JAG2: variants seen among roughly 807,000 people sequenced by gnomAD.
The protein encoded by JAG2 is protein jagged-2.
A neutral mutation model predicts 141.7 loss-of-function variants in JAG2; 46 were observed. The observed-to-expected ratio is 0.32, with a 90% CI of 0.26 to 0.42. JAG2 has a LOEUF of 0.42. Among genes scored for constraint, JAG2 ranks in the 10% least tolerant of loss-of-function variants. The pLI, the probability that JAG2 is intolerant of heterozygous loss-of-function variation, is 1.00. For missense variants in JAG2, 1,500 were observed against 1,817.5 expected (o/e 0.83, Z 3.18); for synonymous variants, 862 against 763.5 (o/e 1.13, Z -2.13).
intron 8 of JAG2, 49 bp downstream of exon 8, chr14:105,151,577 C>G: frequency 6.8e-7 from 1 of 1,478,656 alleles, no homozygotes; most frequent in Non-Finnish European, 9.3e-7. Flanking sequence ...CACTCCCAGA[C>G]CCCCACTGAT....
chr14:105,150,982 C>A lies in JAG2; in HGVS notation c.1381+9G>T, dbSNP rs1441862513. ...GGCCCACCCGCCGGCGCCCACCCCCCATACTGACTGATATGGCAGTTGATG... is the reference window on the plus strand; with the variant it reads ...GGCCCACCCGCCGGCGCCCACCCCCAATACTGACTGATATGGCAGTTGATG... On this transcript the variant is annotated intron_variant, in intron 10 of 25. Transcript: ENST00000331782. The A allele has an allele frequency of 6.2e-7, 1 of 1,611,204 alleles. No individual in the cohort carries two copies. Among genetic ancestry groups the A allele is most frequent in the Non-Finnish European group, 8.5e-7 (1 of 1,179,132 alleles).
At chr14:105,146,285 C>T in intron 22 of JAG2, 100 bp downstream of exon 22, 1 of 1,072,954 alleles carries the variant, frequency 9.3e-7, no homozygotes, top group Non-Finnish European at 1.4e-6. Context: ...GGCTCTCAGT[C>T]CATCCGGACC....
chr14:105,162,848 C>A (rs1258603899), intron 2 of JAG2, among the ~76,000 whole-genome samples: 1 of 151,906 alleles, frequency 6.6e-6, no homozygotes, highest in Non-Finnish European at 1.5e-5. Flanking sequence ...CTGCATGGCC[C>A]AGCACACCTC....
chr14:105,149,641 C>T (rs1413479996), intron 12 of JAG2, among the ~76,000 whole-genome samples: 1 of 151,268 alleles, frequency 6.6e-6, no homozygotes, highest in East Asian at 2.0e-4. Context: ...CCTGGCCACC[C>T]TCAGAGCCAA....
At position 105,149,295 on chromosome 14, in the gene JAG2, C is replaced by T. The variant is rs758834030; in HGVS notation, c.1628G>A (p.Ser543Asn). Residue 543 changes from serine to asparagine, a missense_variant, in exon 13 of 26, where the codon AGC becomes AAC. Around this residue, in one of 3 missense-constraint regions of JAG2, gnomAD observed 875 missense variants for 1,202.2 expected, o/e 0.73. Transcript: ENST00000331782. ...GCAGCGAGCGCCGTTCCGGCAGGGGCTTGGCTCACAAAGGTCGACATCCAC... is the reference window on the plus strand; with the variant it reads ...GCAGCGAGCGCCGTTCCGGCAGGGGTTTGGCTCACAAAGGTCGACATCCAC... Reference protein sequence around the residue: ...CEVDVDLCEPSPCRNGARCYN... With the variant: ...CEVDVDLCEPNPCRNGARCYN... The T allele has an allele frequency of 4.3e-6, 7 of 1,612,684 alleles. No individual in the cohort carries two copies. Among genetic ancestry groups the T allele is most frequent in the Non-Finnish European group, 5.9e-6 (7 of 1,179,980 alleles).
chr14:105,149,148 C>A, intron 13 of JAG2, 22 bp downstream of exon 13: 1 of 1,608,140 alleles, frequency 6.2e-7, no homozygotes, highest in Non-Finnish European at 8.5e-7. Context: ...CCTCCCCCAC[C>A]ACCCCATGCC....
chr14:105,145,020 C>T lies in JAG2; in HGVS notation c.2994G>A (p.Leu998=), dbSNP rs768851700. 1.9e-6 allele frequency: 3 copies of T among 1,609,636 alleles called. No homozygotes were observed. Among genetic ancestry groups the T allele is most frequent in the African/African-American group, 2.7e-5 (2 of 74,928 alleles). ...CCCGTGCCACAGCCCTTGTGGCTGG[C>T]AGGGAGCGGATCCCGGAGCAAATGG... ...VGAICSGIRS[L]PATRAVARDR... is the part of the protein sequence containing the mutation. The change falls in exon 24 of 26, where the codon CTG becomes CTA. Residue 998 remains leucine (L), a synonymous_variant. Transcript: ENST00000331782.
intron 23 of JAG2, 93 bp downstream of exon 23, chr14:105,145,638 G>T: frequency 6.7e-7 from 1 of 1,487,802 alleles, no homozygotes; most frequent in South Asian, 1.3e-5. Flanking sequence ...GCCAACCAGG[G>T]CCTCCCTGCC....
At chr14:105,146,568 C>A in intron 21 of JAG2, 43 bp downstream of exon 21, 1 of 1,600,078 alleles carries the variant, frequency 6.2e-7, no homozygotes, top group African/African-American at 1.3e-5. Context: ...GTCACCCATG[C>A]CCCCCAACCC....
In JAG2 at chr14:105,155,743, T is replaced by C; in HGVS notation, c.722A>G (p.Lys241Arg). The change falls in exon 4 of 26, where the codon AAG becomes AGG. Residue 241 changes from lysine to arginine, a missense_variant. By Grantham distance (26) the Lys-to-Arg change is conservative. This residue lies in a region of JAG2 where 875 missense variants were observed against 1,202.2 expected (regional missense o/e 0.73). Coordinates refer to ENST00000331782, the MANE Select transcript of JAG2 (RefSeq NM_002226.5). ...CAGCCCAGCGGCCCCCTCACCTTCC[T>C]TGCACTCCTTGCCCATCCAGCCGTC... is the stretch of plus-strand genomic sequence containing the variant. ...CMDGWMGKECKEAVCKQGCNL... is the reference protein window; with the variant it reads ...CMDGWMGKECREAVCKQGCNL... 1 of 1,612,696 alleles carries C rather than the reference T, an allele frequency of 6.2e-7. No individual in the cohort carries two copies. The highest frequency in any genetic ancestry group is 8.5e-7 in the Non-Finnish European group (1 of 1,179,764).
chr14:105,146,885 C>G, intron 20 of JAG2, 161 bp from the exon 21 acceptor site: 1 of 699,168 alleles, frequency 1.4e-6, no homozygotes, highest in South Asian at 1.5e-5. Context: ...TGCCTGAGGC[C>G]TTCCTGAGCC....
rs746515350 is a variant in JAG2, at chr14:105,147,428, G to A, written c.2394-17C>T. 1.2e-6 allele frequency: 2 copies of A among 1,610,732 alleles called. No individual in the cohort carries two copies. The highest frequency in any genetic ancestry group is 1.1e-5 in the South Asian group (1 of 90,808). The stretch of plus-strand genomic sequence containing the variant: ...CCATTGTAGCTGCAGAGCAGAGGGT[G>A]GGCATCAGGTGGCCCCCCGTGGTAT... On this transcript the variant is annotated splice_polypyrimidine_tract_variant and intron_variant, in intron 19 of 25. Transcript: ENST00000331782.
At position 105,142,265 on chromosome 14, in the gene JAG2, C is replaced by A. The variant is rs112320099; in HGVS notation, c.*430G>T. 7 of 173,996 alleles carry A rather than the reference C, an allele frequency of 4.0e-5. No homozygotes were observed. The highest frequency in any genetic ancestry group is 1.4e-4 in the African/African-American group (6 of 41,778). 10.8% of individuals were successfully genotyped at this position (173,996 alleles called of 1,614,324 possible). On this transcript the variant is annotated 3_prime_UTR_variant, in exon 26 of 26. Transcript: ENST00000331782. ...AGGCCACACCATCAGCCACGGGTCC[C>A]ACCAACAGCCATGGGCCACACCAAC... is the stretch of plus-strand genomic sequence containing the variant.
Position 105,155,822 on chromosome 14 carries a change from T to C in JAG2, c.643A>G (p.Asn215Asp). Residue 215 changes from asparagine (N) to aspartate (D), a missense_variant, in exon 4 of 26, where the codon AAC becomes GAC. Physicochemically the swap from Asn to Asp is conservative, Grantham distance 23. Coordinates refer to ENST00000331782, the MANE Select transcript of JAG2 (RefSeq NM_002226.5). ...ATCNKFCRPR[N>D]DFFGHYTCDQ... ...CAGGTGTAGTGGCCGAAAAAGTCGT[T>C]GCGGGGCCGGCAGAACTTGTTGCAA... 1.2e-6 allele frequency: 2 copies of C among 1,612,758 alleles called. No individual in the cohort carries two copies. Among genetic ancestry groups the C allele is most frequent in the Non-Finnish European group, 1.7e-6 (2 of 1,179,882 alleles).
intron 12 of JAG2, 75 bp from the exon 13 acceptor site, chr14:105,149,395 AC>A (rs1299635270): frequency 9.4e-6 from 15 of 1,588,672 alleles, no homozygotes; most frequent in Admixed American, 3.3e-5. Context: ...CTCTGTCCAT[AC>A]GAAGGTAGAT....
rs1323844998 is a variant in JAG2 at position 105,151,099 on chromosome 14, T to C, written c.1273A>G (p.Asn425Asp). Residue 425 changes from asparagine (N) to aspartate (D), a missense_variant, in exon 10 of 26, where the codon AAT becomes GAT. This residue lies in a region of JAG2 where 875 missense variants were observed against 1,202.2 expected (regional missense o/e 0.73). Transcript: ENST00000331782. ...WVGATCQLDANECEGKPCLNA... is the reference protein window; with the variant it reads ...WVGATCQLDADECEGKPCLNA... Reference sequence around the variant, plus strand: ...AGGCATGGCTTCCCTTCACACTCATTGGCGTCTGTGAAAGAGACAAGGTGG... The same window carrying C: ...AGGCATGGCTTCCCTTCACACTCATCGGCGTCTGTGAAAGAGACAAGGTGG... The C allele has an allele frequency of 1.2e-6, 2 of 1,609,978 alleles. No homozygotes were observed. Among genetic ancestry groups the C allele is most frequent in the Non-Finnish European group, 1.7e-6 (2 of 1,178,524 alleles).
At chr14:105,166,258 G>A (rs921133046) in intron 2 of JAG2, among the ~76,000 whole-genome samples, 1 of 152,232 alleles carries the variant, frequency 6.6e-6, no homozygotes, top group African/African-American at 2.4e-5. Context: ...GCGATAGCCC[G>A]CCACATTCCT....
chr14:105,143,946 G>A (rs781624881), intron 24 of JAG2, among the ~76,000 whole-genome samples: 3 of 139,598 alleles, frequency 2.1e-5, no homozygotes, highest in South Asian at 4.8e-4. Context: ...CCATCCGGGC[G>A]CACGGGACAG....
intron 7 of JAG2, 25 bp from the exon 8 acceptor site, chr14:105,151,764 G>A (rs758947414): frequency 3.8e-5 from 61 of 1,601,126 alleles, no homozygotes; most frequent in Admixed American, 1.9e-4. Context: ...GGAGGGGGCA[G>A]AGCTGGCAGC....
Sources: allele counts gnomAD v4.1 joint callset (sites outside exome capture counted in the v4.1 genomes callset), GRCh38; gene constraint gnomAD v4.1.1; regional missense constraint gnomAD v4.1.1; transcripts MANE v1.5; gene names NCBI Gene and HGNC (gene_info 2026-07-23, HGNC 2026-07-21).